Variants in HAPLN1 observed in about 807,000 individuals in gnomAD.
The protein encoded by HAPLN1 is Cartilage link protein.
In HAPLN1, 13 loss-of-function variants were observed where a neutral mutation model predicts 36.5. That is an observed-to-expected ratio of 0.36 (90% confidence interval 0.23 to 0.57). The LOEUF is 0.57. Among genes scored for constraint, HAPLN1 ranks in the 20% least tolerant of loss-of-function variants. The pLI is 0.83. For missense variants in HAPLN1, 407 were observed against 439.7 expected (o/e 0.93, Z 0.66); for synonymous variants, 202 against 169.8 (o/e 1.19, Z -1.48).
chr5:83,718,014 T>C (rs1384154205), intron 1 of HAPLN1, among the ~76,000 whole-genome samples: 1 of 152,216 alleles, frequency 6.6e-6, no homozygotes, highest in African/African-American at 2.4e-5. Flanking sequence ...TAGAGAAATT[T>C]ATTTCTATTT....
rs1343761426 is a variant in HAPLN1 at position 83,640,102 on chromosome 5, T to C, written c.*1394A>G. The stretch of plus-strand genomic sequence containing the variant: ...GATTATTATAGTAAATCCCATTTAT[T>C]AGAACTCATTGTGAAACAATGGGAA... On this transcript the variant is annotated 3_prime_UTR_variant, in exon 5 of 5. Transcript: ENST00000274341. 6.6e-6 allele frequency: 1 copy of C among 152,152 alleles called. No homozygotes were observed. The highest frequency in any genetic ancestry group is 1.5e-5 in the Non-Finnish European group (1 of 67,986). The allele number at this position is 152,152 out of a possible 1,614,324, so 9.4% of individuals were successfully genotyped here.
intron 2 of HAPLN1, among the ~76,000 whole-genome samples, chr5:83,660,544 T>C (rs1750356834): frequency 6.6e-6 from 1 of 152,124 alleles, no homozygotes; most frequent in Non-Finnish European, 1.5e-5. Flanking sequence ...AAAATCACTG[T>C]TCTGAGATGT....
intron 1 of HAPLN1, among the ~76,000 whole-genome samples, chr5:83,696,881 C>A (rs1348688808): frequency 6.6e-6 from 1 of 152,100 alleles, no homozygotes; most frequent in Non-Finnish European, 1.5e-5. Context: ...AGTTTTGAAA[C>A]ATTAAAAAAC....
At chr5:83,670,663 T>C (rs919058529) in intron 2 of HAPLN1, among the ~76,000 whole-genome samples, 3 of 151,316 alleles carry the variant, frequency 2.0e-5, no homozygotes, top group Non-Finnish European at 4.4e-5. Context: ...TTTTCTTTCC[T>C]GGCCATCTGC....
chr5:83,655,693 C>G (rs1750189496), intron 2 of HAPLN1, among the ~76,000 whole-genome samples: 1 of 134,200 alleles, frequency 7.5e-6, no homozygotes, highest in East Asian at 2.2e-4. Flanking sequence ...TGTTTGTTTG[C>G]TTTTAGAAGA....
At chr5:83,671,612 A>C (rs1253680431) in intron 2 of HAPLN1, among the ~76,000 whole-genome samples, 1 of 152,232 alleles carries the variant, frequency 6.6e-6, no homozygotes, top group Non-Finnish European at 1.5e-5. Context: ...GTTTCTCTGA[A>C]GAACTATGGG....
chr5:83,719,925 C>T (rs912371003), intron 1 of HAPLN1, among the ~76,000 whole-genome samples: 17 of 152,178 alleles, frequency 1.1e-4, no homozygotes, highest in Non-Finnish European at 7.4e-5. Context: ...GAACACTTTC[C>T]ACCCTAAAAA....
At chr5:83,708,921 GGCT>G (rs1255277922) in intron 1 of HAPLN1, among the ~76,000 whole-genome samples, 5 of 152,022 alleles carry the variant, frequency 3.3e-5, no homozygotes, top group Non-Finnish European at 5.9e-5. Context: ...CTGTCACCCA[GGCT>G]GGAGTGCAGC....
chr5:83,650,910 T>A (rs1020284836), intron 3 of HAPLN1, among the ~76,000 whole-genome samples: 3 of 152,102 alleles, frequency 2.0e-5, no homozygotes, highest in African/African-American at 7.2e-5. Flanking sequence ...CCTTTCAGCA[T>A]CTCTAATTGT....
intron 2 of HAPLN1, among the ~76,000 whole-genome samples, chr5:83,657,560 C>T (rs1223463093): frequency 6.6e-6 from 1 of 152,132 alleles, no homozygotes; most frequent in African/African-American, 2.4e-5. Context: ...TCTAGAAAGC[C>T]TTTCCCATTA....
intron 1 of HAPLN1, among the ~76,000 whole-genome samples, chr5:83,680,628 G>A (rs1049423867): frequency 6.6e-6 from 1 of 151,998 alleles, no homozygotes; most frequent in African/African-American, 2.4e-5. Context: ...TGATGATGAT[G>A]GTGACATTAA....
chr5:83,662,608 C>G (rs189958804), intron 2 of HAPLN1, among the ~76,000 whole-genome samples: 3 of 152,272 alleles, frequency 2.0e-5, no homozygotes, highest in Admixed American at 6.5e-5. Flanking sequence ...TATAAACATA[C>G]TCTCTAGGAG....
intron 1 of HAPLN1, among the ~76,000 whole-genome samples, chr5:83,679,565 T>G (rs1750948370): frequency 6.6e-6 from 1 of 152,180 alleles, no homozygotes; most frequent in African/African-American, 2.4e-5. Context: ...CTCTTTTCCC[T>G]ATATTTCATA....
intron 1 of HAPLN1, among the ~76,000 whole-genome samples, chr5:83,698,910 T>C (rs1561321579): frequency 6.6e-6 from 1 of 152,216 alleles, no homozygotes; most frequent in Non-Finnish European, 1.5e-5. Flanking sequence ...GAATACGGTA[T>C]CGTATACATG....
At chr5:83,682,722 C>G (rs930087902) in intron 1 of HAPLN1, among the ~76,000 whole-genome samples, 3 of 152,190 alleles carry the variant, frequency 2.0e-5, no homozygotes, top group Non-Finnish European at 2.9e-5. Context: ...AGGGAAAATA[C>G]AATATCTTCC....
At chr5:83,672,496 C>A (rs1400233944) in intron 2 of HAPLN1, among the ~76,000 whole-genome samples, 1 of 152,206 alleles carries the variant, frequency 6.6e-6, no homozygotes, top group Non-Finnish European at 1.5e-5. Context: ...ATTCAGAATT[C>A]TATTTTGGTA....
chr5:83,697,381 A>T (rs1322372057), intron 1 of HAPLN1, among the ~76,000 whole-genome samples: 1 of 152,048 alleles, frequency 6.6e-6, no homozygotes, highest in Non-Finnish European at 1.5e-5. Context: ...CATTCTTTTT[A>T]TGTGTGAATA....
Position 83,654,164 on chromosome 5 carries a change from A to G in HAPLN1, c.101-1340T>C, listed in dbSNP as rs1339317779. Among the ~76,000 whole-genome samples, 4 of 152,244 alleles carry G rather than the reference A, an allele frequency of 2.6e-5. No individual in the cohort carries two copies. In the East Asian group the frequency reaches 5.8e-4, roughly 22 times the overall value. On this transcript the variant is annotated intron_variant, in intron 2 of 4. Transcript: ENST00000274341. ...GACACAGCATCTCTATTTTTATCAT[A>G]TAGCAATCAGAATTAATATTTTTAA...
At chr5:83,705,923 A>C (rs1262276788) in intron 1 of HAPLN1, among the ~76,000 whole-genome samples, 1 of 152,010 alleles carries the variant, frequency 6.6e-6, no homozygotes, top group Non-Finnish European at 1.5e-5. Flanking sequence ...AATATTAATA[A>C]AAACAACCAT....
Sources: allele counts gnomAD v4.1 joint callset (sites outside exome capture counted in the v4.1 genomes callset), GRCh38; gene constraint gnomAD v4.1.1; transcripts MANE v1.5; gene names NCBI Gene and HGNC (gene_info 2026-07-23, HGNC 2026-07-21).